The following ATF7IP variants were observed in gnomAD, a reference collection of about 807,000 sequenced individuals.
ATF7IP encodes the protein activating transcription factor 7-interacting protein 1.
In ATF7IP, 23 loss-of-function variants were observed where a neutral mutation model predicts 106.4. That is an observed-to-expected ratio of 0.22 (90% CI 0.16 to 0.31). The LOEUF (loss-of-function observed/expected upper bound fraction) is 0.31. Ranked by LOEUF, ATF7IP falls within the 10% of genes least tolerant of loss-of-function variation. ATF7IP has a pLI of 1.00. For synonymous variants in ATF7IP, 542 were observed against 539.0 expected (o/e 1.01, Z -0.08); for missense variants, 1,334 against 1,524.3 (o/e 0.88, Z 2.08).
Position 14,424,425 on chromosome 12 carries a change from C to T in ATF7IP, c.510C>T (p.Ala170=), listed in dbSNP as rs961764273. ...GCGAGCCCTCCTCTAGTGATGCTGC[C>T]TCTGGTGATGCAACCTCTGGTGATG... ...TSSEPSSSDA[A]SGDATSGDAP... is the part of the protein sequence containing the mutation. The change falls in exon 2 of 15, where the codon GCC becomes GCT. Residue 170 remains alanine, a synonymous_variant. Coordinates refer to ENST00000261168, the MANE Select transcript of ATF7IP (RefSeq NM_018179.5). The T allele has an allele frequency of 2.5e-6, 4 of 1,613,512 alleles. No homozygotes were observed. Among genetic ancestry groups the T allele is most frequent in the Non-Finnish European group, 3.4e-6 (4 of 1,179,838 alleles).
intron 1 of ATF7IP, among the ~76,000 whole-genome samples, chr12:14,421,892 G>T (rs1256381510): frequency 2.6e-5 from 4 of 152,204 alleles, no homozygotes; most frequent in Admixed American, 2.6e-4. Context: ...TTTTCTAAGC[G>T]AGCTTCACTT....
intron 1 of ATF7IP, among the ~76,000 whole-genome samples, chr12:14,366,622 A>G (rs187550127): frequency 7.9e-5 from 12 of 152,278 alleles, no homozygotes; most frequent in Admixed American, 4.6e-4. Flanking sequence ...GGGCATTTGA[A>G]TTTTACATGT....
At position 14,460,533 on chromosome 12, in the gene ATF7IP, A is replaced by G; in HGVS notation, c.2197A>G (p.Ser733Gly). 1.2e-6 allele frequency: 2 copies of G among 1,614,178 alleles called. No individual in the cohort carries two copies. Among genetic ancestry groups the G allele is most frequent in the Non-Finnish European group, 1.7e-6 (2 of 1,180,016 alleles). Residue 733 changes from serine (S) to glycine (G), a missense_variant, in exon 9 of 15, where the codon AGT (serine) becomes GGT (glycine). By Grantham distance (56) the Ser-to-Gly change is moderately conservative (BLOSUM62 0). Coordinates refer to ENST00000261168, the MANE Select transcript of ATF7IP (RefSeq NM_018179.5). ...TNLVTPPAVV[S>G]SQPKLQTPVT... is the part of the protein sequence containing the mutation. ...TCTTGTCACTCCTCCAGCAGTTGTC[A>G]GTAGTCAACCTAAATTGCAGACTCC...
chr12:14,440,654 G>A (rs546326427), intron 5 of ATF7IP, among the ~76,000 whole-genome samples: 1 of 152,226 alleles, frequency 6.6e-6, no homozygotes, highest in East Asian at 1.9e-4. Context: ...GTTTTAAAGT[G>A]TACAATTCAT....
At chr12:14,377,474 G>T (rs1938797819) in intron 1 of ATF7IP, among the ~76,000 whole-genome samples, 1 of 151,114 alleles carries the variant, frequency 6.6e-6, no homozygotes, top group Non-Finnish European at 1.5e-5. Flanking sequence ...TCCTGCCTCA[G>T]CCTCCCGAGT....
chr12:14,423,034 T>C (rs1452200113), intron 1 of ATF7IP, among the ~76,000 whole-genome samples: 2 of 152,176 alleles, frequency 1.3e-5, no homozygotes, highest in African/African-American at 4.8e-5. Context: ...GTTCCAGTTT[T>C]TTCACATCCT....
intron 1 of ATF7IP, among the ~76,000 whole-genome samples, chr12:14,407,907 A>G (rs1042115644): frequency 6.6e-6 from 1 of 152,258 alleles, no homozygotes; most frequent in Admixed American, 6.5e-5. Context: ...TAAGTTATTT[A>G]AGCTTTGTAT....
At chr12:14,428,671 ACTAACAT>A (rs1941981226) in intron 2 of ATF7IP, among the ~76,000 whole-genome samples, 1 of 152,216 alleles carries the variant, frequency 6.6e-6, no homozygotes, top group Non-Finnish European at 1.5e-5. Context: ...CCTTCTAGCT[ACTAACAT>A]CTATGAGTGT....
chr12:14,415,007 C>G (rs1382713007), intron 1 of ATF7IP, among the ~76,000 whole-genome samples: 1 of 152,130 alleles, frequency 6.6e-6, no homozygotes, highest in African/African-American at 2.4e-5. Flanking sequence ...TAGGCTCAAG[C>G]AGTCCACTGC....
At chr12:14,414,624 C>G (rs1941106922) in intron 1 of ATF7IP, among the ~76,000 whole-genome samples, 2 of 152,172 alleles carry the variant, frequency 1.3e-5, no homozygotes, top group Non-Finnish European at 2.9e-5. Flanking sequence ...ACCTCTGCCA[C>G]AAGGCCTAGA....
In ATF7IP at chr12:14,451,414, T is replaced by C. The variant is rs1473469832; in HGVS notation, c.1995+4361T>C. ...ACCCTAATTTTCATTATTTCTTTCC[T>C]CTTGCTAATTTTGGGTTTAGTTTTT... On this transcript the variant is annotated intron_variant, in intron 6 of 14. Coordinates refer to ENST00000261168, the MANE Select transcript of ATF7IP (RefSeq NM_018179.5). Among the ~76,000 whole-genome samples, 12 of 152,260 alleles carry C rather than the reference T, an allele frequency of 7.9e-5. No homozygotes were observed. In the East Asian group the frequency reaches 2.3e-3, roughly 29 times the overall value.
At chr12:14,371,927 C>A (rs1031795999) in intron 1 of ATF7IP, among the ~76,000 whole-genome samples, 2 of 151,974 alleles carry the variant, frequency 1.3e-5, no homozygotes, top group Admixed American at 6.5e-5. Context: ...AAGTTCCTGC[C>A]TTTTGAGTTT....
intron 1 of ATF7IP, among the ~76,000 whole-genome samples, chr12:14,380,858 G>A (rs1229060468): frequency 6.6e-6 from 1 of 152,164 alleles, no homozygotes; most frequent in Non-Finnish European, 1.5e-5. Flanking sequence ...GACTTCAGGT[G>A]ATCCACCTCC....
rs1215627871 is a variant in ATF7IP, at chr12:14,381,162, TCTTAA to T, written c.-8+15339_-8+15343del. ...TTTCTGCCAGGTAAATCAGATTGGT[TCTTAA>T]CTTGTCACCACTGCAGCTTGGAATA... is the stretch of plus-strand genomic sequence containing the variant. On this transcript the variant is annotated intron_variant, in intron 1 of 14. Transcript: ENST00000261168. 2.0e-5 allele frequency among the ~76,000 whole-genome samples: 3 copies of T among 152,348 alleles called. No individual in the cohort carries two copies. In the East Asian group the frequency reaches 5.8e-4, roughly 29 times the overall value.
At chr12:14,488,461 G>A (rs150080265) in intron 13 of ATF7IP, among the ~76,000 whole-genome samples, 301 of 152,200 alleles carry the variant, frequency 2.0e-3, no homozygotes, top group African/African-American at 6.6e-3. Context: ...TCCTTTTCAC[G>A]TTTTTCTGCC....
rs866433824 is a variant in ATF7IP, at chr12:14,481,155, C to G, written c.3250C>G (p.Pro1084Ala). The G allele has an allele frequency of 6.2e-7, 1 of 1,613,918 alleles. No homozygotes were observed. Residue 1084 changes from proline (P) to alanine (A), a missense_variant, in exon 13 of 15, where the codon CCT becomes GCT. Transcript: ENST00000261168. ...APLRGTVMQAPAVRQVNPQNS... is the reference protein window; with the variant it reads ...APLRGTVMQAAAVRQVNPQNS... ...CTTGCGAGGAACTGTTATGCAGGCT[C>G]CTGCTGTTCGGCAGGTCAATCCCCA... is the stretch of plus-strand genomic sequence containing the variant.
At chr12:14,436,559 G>T (rs1379077805) in intron 4 of ATF7IP, among the ~76,000 whole-genome samples, 1 of 152,170 alleles carries the variant, frequency 6.6e-6, no homozygotes, top group Non-Finnish European at 1.5e-5. Flanking sequence ...GGATGTTGTG[G>T]TGGGTGCCTG....
intron 9 of ATF7IP, among the ~76,000 whole-genome samples, chr12:14,462,753 A>G (rs994478619): frequency 3.3e-5 from 5 of 151,980 alleles, no homozygotes; most frequent in Admixed American, 6.6e-5. Flanking sequence ...TTTTATATAA[A>G]AGTAAGTTTT....
chr12:14,392,541 G>T (rs569381779), intron 1 of ATF7IP, among the ~76,000 whole-genome samples: 1 of 152,302 alleles, frequency 6.6e-6, no homozygotes, highest in East Asian at 1.9e-4. Context: ...CCTATTATTT[G>T]CCAGGTACTG....
Sources: allele counts gnomAD v4.1 joint callset (sites outside exome capture counted in the v4.1 genomes callset), GRCh38; gene constraint gnomAD v4.1.1; transcripts MANE v1.5; gene names NCBI Gene and HGNC (gene_info 2026-07-23, HGNC 2026-07-21).